Variants in GABRG3 observed in about 807,000 individuals in gnomAD.
GABRG3 encodes gamma-aminobutyric acid type A receptor subunit gamma3.
A neutral mutation model predicts 48.8 loss-of-function variants in GABRG3; 25 were observed. The observed-to-expected ratio is 0.51, with a 90% confidence interval of 0.37 to 0.72. The LOEUF (loss-of-function observed/expected upper bound fraction) is 0.72, where lower values mean the gene tolerates loss of function less well. Ranked by LOEUF, GABRG3 falls within the 30% of genes least tolerant of loss-of-function variation. The pLI is 0.00. For synonymous variants in GABRG3, 227 were observed against 217.6 expected, an observed-to-expected ratio of 1.04 and a Z score of -0.38; for missense variants, 394 against 577.9, an observed-to-expected ratio of 0.68 and a Z score of 3.26.
At chr15:27,108,528 A>G (rs1360787712) in intron 3 of GABRG3, among the ~76,000 whole-genome samples, 2 of 152,168 alleles carry the variant, frequency 1.3e-5, no homozygotes, top group African/African-American at 4.8e-5. Flanking sequence ...GTTGCATGAG[A>G]CTTGGGAAGA....
intron 3 of GABRG3, among the ~76,000 whole-genome samples, chr15:27,095,273 T>C (rs1056884051): frequency 6.6e-6 from 1 of 152,226 alleles, no homozygotes; most frequent in African/African-American, 2.4e-5. Flanking sequence ...TATGGTTGTT[T>C]TGGCAAAAGT....
At chr15:27,438,636 C>T (rs538769598) in intron 5 of GABRG3, among the ~76,000 whole-genome samples, 67 of 152,286 alleles carry the variant, frequency 4.4e-4, no homozygotes, top group Middle Eastern at 3.4e-3. Context: ...GCAGGGAGCC[C>T]GCCTCCTGCT....
chr15:27,068,355 A>T (rs932590789), intron 3 of GABRG3, among the ~76,000 whole-genome samples: 1 of 152,178 alleles, frequency 6.6e-6, no homozygotes, highest in African/African-American at 2.4e-5. Context: ...AGCCATCCAC[A>T]CTGCAGGAGC....
intron 6 of GABRG3, among the ~76,000 whole-genome samples, chr15:27,503,161 G>T (rs540240866): frequency 6.6e-6 from 1 of 152,308 alleles, no homozygotes. Context: ...CCTAGAGGCT[G>T]CCAGCCATCA....
intron 5 of GABRG3, among the ~76,000 whole-genome samples, chr15:27,383,873 G>A (rs1054975205): frequency 1.3e-5 from 2 of 152,160 alleles, no homozygotes; most frequent in African/African-American, 4.8e-5. Context: ...TATGATAACA[G>A]CAAAATTCCA....
At chr15:27,008,654 C>T (rs1188834297) in intron 2 of GABRG3, among the ~76,000 whole-genome samples, 1 of 150,900 alleles carries the variant, frequency 6.6e-6, no homozygotes, top group Admixed American at 6.6e-5. Flanking sequence ...TTATAACATT[C>T]TCCCCCCACC....
At chr15:27,147,258 C>T (rs922327821) in intron 3 of GABRG3, among the ~76,000 whole-genome samples, 2 of 151,894 alleles carry the variant, frequency 1.3e-5, no homozygotes, top group Non-Finnish European at 2.9e-5. Flanking sequence ...ATCAAGAACA[C>T]ATAATAAATA....
At chr15:27,346,556 T>C (rs542437977) in intron 5 of GABRG3, among the ~76,000 whole-genome samples, 25 of 152,200 alleles carry the variant, frequency 1.6e-4, no homozygotes, top group Non-Finnish European at 3.1e-4. Context: ...TTCTCCTCCT[T>C]TTGTTATTTC....
intron 3 of GABRG3, among the ~76,000 whole-genome samples, chr15:27,144,090 C>T (rs992617623): frequency 2.0e-5 from 3 of 152,094 alleles, no homozygotes; most frequent in African/African-American, 7.2e-5. Flanking sequence ...AGATACTCCT[C>T]CAAAAAAGCA....
At chr15:27,461,045 A>C (rs1437191655) in intron 5 of GABRG3, among the ~76,000 whole-genome samples, 3 of 151,270 alleles carry the variant, frequency 2.0e-5, no homozygotes, top group Non-Finnish European at 4.4e-5. Flanking sequence ...AAACATATCT[A>C]CTCTCCCACT....
At chr15:27,430,844 G>A (rs1164213773) in intron 5 of GABRG3, among the ~76,000 whole-genome samples, 1 of 151,934 alleles carries the variant, frequency 6.6e-6, no homozygotes, top group African/African-American at 2.4e-5. Context: ...ACAAAAATTA[G>A]CTGGGTGTGG....
chr15:27,459,387 A>G (rs1889383492), intron 5 of GABRG3, among the ~76,000 whole-genome samples: 1 of 152,212 alleles, frequency 6.6e-6, no homozygotes, highest in African/African-American at 2.4e-5. Context: ...CTAGGGTATC[A>G]TCACCCAAAC....
chr15:27,231,823 A>G (rs1442639880), intron 3 of GABRG3, among the ~76,000 whole-genome samples: 2 of 152,214 alleles, frequency 1.3e-5, no homozygotes, highest in African/African-American at 4.8e-5. Context: ...GAAGGAAAGA[A>G]TGGTCCAATT....
chr15:27,388,702 G>T (rs1410548636), intron 5 of GABRG3, among the ~76,000 whole-genome samples: 1 of 152,158 alleles, frequency 6.6e-6, no homozygotes, highest in Non-Finnish European at 1.5e-5. Flanking sequence ...TGCAGTAGAA[G>T]TGTGTGGAGT....
At chr15:27,226,723 C>A (rs1595598084) in intron 3 of GABRG3, among the ~76,000 whole-genome samples, 1 of 152,204 alleles carries the variant, frequency 6.6e-6, no homozygotes, top group African/African-American at 2.4e-5. Flanking sequence ...GGGCACATAA[C>A]TCTCCTGACC....
intron 5 of GABRG3, among the ~76,000 whole-genome samples, chr15:27,361,316 G>A (rs555795812): frequency 6.6e-6 from 1 of 152,260 alleles, no homozygotes; most frequent in East Asian, 1.9e-4. Context: ...GGTCTTGGGT[G>A]CTGCGGTCTC....
At chr15:27,232,046 G>T (rs1889815955) in intron 3 of GABRG3, among the ~76,000 whole-genome samples, 1 of 152,084 alleles carries the variant, frequency 6.6e-6, no homozygotes, top group South Asian at 2.1e-4. Context: ...GACATCAATA[G>T]GCTCTCCCAG....
intron 3 of GABRG3, among the ~76,000 whole-genome samples, chr15:27,055,584 G>T (rs900498590): frequency 6.6e-6 from 1 of 152,158 alleles, no homozygotes; most frequent in African/African-American, 2.4e-5. Context: ...TGTTTTCAGC[G>T]TTCCCATAGG....
chr15:27,166,896 G>T (rs536832713), intron 3 of GABRG3, among the ~76,000 whole-genome samples: 1 of 152,216 alleles, frequency 6.6e-6, no homozygotes, highest in African/African-American at 2.4e-5. Flanking sequence ...CCACTCCCTT[G>T]TCACCTCCGA....
Sources: allele counts gnomAD v4.1 joint callset (sites outside exome capture counted in the v4.1 genomes callset), GRCh38; gene constraint gnomAD v4.1.1; transcripts MANE v1.5; gene names NCBI Gene and HGNC (gene_info 2026-07-23, HGNC 2026-07-21).